MPDZ: variants seen among roughly 807,000 people sequenced by gnomAD.
MPDZ encodes multiple PDZ domain protein.
A neutral mutation model predicts 239.1 loss-of-function variants in MPDZ; 234 were observed. That is an observed-to-expected ratio of 0.98 (90% confidence interval 0.88 to 1.09). The LOEUF (loss-of-function observed/expected upper bound fraction) is 1.09. Ranked by LOEUF, MPDZ falls within the 50% of genes least tolerant of loss-of-function variation. The probability of loss-of-function intolerance (pLI) is 0.00; values close to 1 mark genes in which losing one functional copy is unlikely to be tolerated. For missense variants in MPDZ, 3,175 were observed against 2,510.0 expected (o/e 1.26, Z -5.66); for synonymous variants, 1,048 against 881.3 (o/e 1.19, Z -3.35).
Position 13,114,010 on chromosome 9 carries a change from G to A in MPDZ, c.5478C>T (p.Gly1826=), listed in dbSNP as rs1048947260. ...GTGGAAAAGTGAAAGATGACAGGCT[G>A]CCTTCACTCACCTACAAATATACAA... ...RPSQSSQVSE[G]SLSSFTFPLS... is the part of the protein sequence containing the mutation. Residue 1826 remains glycine (G), a synonymous_variant, in exon 41 of 47, where the codon GGC becomes GGT. Transcript: ENST00000319217. 2.5e-6 allele frequency: 4 copies of A among 1,592,676 alleles called. No individual in the cohort carries two copies. Among genetic ancestry groups the A allele is most frequent in the Non-Finnish European group, 3.4e-6 (4 of 1,168,688 alleles).
intron 36 of MPDZ, 54 bp from the exon 37 acceptor site, chr9:13,122,224 G>A (rs1944456976): frequency 4.7e-6 from 7 of 1,497,516 alleles, no homozygotes; most frequent in Non-Finnish European, 5.6e-6. Flanking sequence ...TAGGAATGGT[G>A]AGCAGAAATG....
intron 22 of MPDZ, among the ~76,000 whole-genome samples, chr9:13,166,048 C>T (rs1951036813): frequency 6.6e-6 from 1 of 152,088 alleles, no homozygotes; most frequent in Admixed American, 6.6e-5. Context: ...TGTAACTCAA[C>T]CACAGTCTCC....
chr9:13,110,101 G>A, intron 44 of MPDZ, 37 bp from the exon 45 acceptor site: 1 of 1,484,720 alleles, frequency 6.7e-7, no homozygotes, highest in Non-Finnish European at 9.3e-7. Context: ...AAAAACACAT[G>A]TTCCTGTGGC....
chr9:13,235,359 A>G (rs1963667618), intron 3 of MPDZ, among the ~76,000 whole-genome samples: 1 of 152,168 alleles, frequency 6.6e-6, no homozygotes, highest in Non-Finnish European at 1.5e-5. Flanking sequence ...TACATTTTCT[A>G]TGAGACCTTC....
chr9:13,224,626 A>C, intron 3 of MPDZ, 43 bp from the exon 4 acceptor site: 1 of 1,309,654 alleles, frequency 7.6e-7, no homozygotes, highest in Non-Finnish European at 1.1e-6. Context: ...GACATTCCAT[A>C]AACTATTTCA....
intron 1 of MPDZ, among the ~76,000 whole-genome samples, chr9:13,267,046 T>A (rs572784494): frequency 6.6e-6 from 1 of 152,212 alleles, no homozygotes; most frequent in Non-Finnish European, 1.5e-5. Context: ...ATCACTGGAA[T>A]GTCTAAAATG....
chr9:13,247,199 G>C (rs141238834), intron 3 of MPDZ, among the ~76,000 whole-genome samples: 103 of 152,250 alleles, frequency 6.8e-4, no homozygotes, highest in African/African-American at 2.3e-3. Context: ...CAAAATAGAG[G>C]TGATTTCCCT....
intron 1 of MPDZ, among the ~76,000 whole-genome samples, chr9:13,262,557 T>G (rs988750909): frequency 6.6e-6 from 1 of 151,992 alleles, no homozygotes; most frequent in Non-Finnish European, 1.5e-5. Context: ...ACGTTAAAAC[T>G]TTAATGTACC....
chr9:13,237,938 TC>T (rs2137149179), intron 3 of MPDZ, among the ~76,000 whole-genome samples: 1 of 152,226 alleles, frequency 6.6e-6, no homozygotes, highest in South Asian at 2.1e-4. Context: ...TAAAAAAAAT[TC>T]AAAGAGCAAG....
intron 40 of MPDZ, 40 bp downstream of exon 40, chr9:13,115,208 T>C (rs1235518360): frequency 3.9e-6 from 6 of 1,554,978 alleles, no homozygotes; most frequent in South Asian, 3.4e-5. Context: ...CCTCTTGGCA[T>C]GCCGATTGCA....
chr9:13,136,346 T>TTTTTTTTTTTTTTTTTTTTTTTC (rs1946779778), intron 30 of MPDZ, among the ~76,000 whole-genome samples, 164 bp from the exon 31 acceptor site: 1 of 142,784 alleles, frequency 7.0e-6, no homozygotes, highest in Non-Finnish European at 1.5e-5. Flanking sequence ...TTTTTTTTTT[T>TTTTTTTTTTTTTTTTTTTTTTTC]TTTGAGACAG....
intron 23 of MPDZ, among the ~76,000 whole-genome samples, chr9:13,158,665 G>A (rs1950113550): frequency 6.6e-6 from 1 of 152,118 alleles, no homozygotes; most frequent in African/African-American, 2.4e-5. Context: ...GAGGAACCTG[G>A]CACAGAATAC....
intron 44 of MPDZ, 29 bp downstream of exon 44, chr9:13,110,607 C>T: frequency 1.3e-6 from 2 of 1,548,328 alleles, no homozygotes; most frequent in Non-Finnish European, 1.8e-6. Context: ...TACCTATATT[C>T]TGAATTATGC....
chr9:13,260,919 C>T (rs1342113726), intron 1 of MPDZ, among the ~76,000 whole-genome samples: 2 of 152,238 alleles, frequency 1.3e-5, no homozygotes, highest in African/African-American at 4.8e-5. Flanking sequence ...TCAACCATTC[C>T]GCAGGCCCTC....
chr9:13,167,855 C>A (rs990240360), intron 22 of MPDZ, among the ~76,000 whole-genome samples: 6 of 152,022 alleles, frequency 3.9e-5, no homozygotes, highest in African/African-American at 1.4e-4. Context: ...ACAAACAGAC[C>A]ATATCAACAT....
In MPDZ at chr9:13,196,704, A is replaced by AAAT. The variant is rs1171949100; in HGVS notation, c.1547-477_1547-475dup. Among the ~76,000 whole-genome samples, 10 of 152,080 alleles carry AAAT rather than the reference A, an allele frequency of 6.6e-5. No individual in the cohort carries two copies. The East Asian group carries it at 1.9e-3, about 29-fold the overall frequency. ...ACTCCATATATGAGAAAATATAAAG[A>AAAT]AATAATAATAAACTAAGGCTACACA... is the stretch of plus-strand genomic sequence containing the variant. On this transcript the variant is annotated intron_variant, in intron 12 of 46. Coordinates refer to ENST00000319217, the MANE Select transcript of MPDZ (RefSeq NM_001378778.1).
At chr9:13,154,982 G>C (rs1344561010) in intron 24 of MPDZ, among the ~76,000 whole-genome samples, 1 of 152,166 alleles carries the variant, frequency 6.6e-6, no homozygotes, top group Non-Finnish European at 1.5e-5. Flanking sequence ...ACTTTGGGAA[G>C]CCAAGGCAGG....
chr9:13,219,533 C>A (rs1460772581), intron 8 of MPDZ, 26 bp downstream of exon 8: 4 of 1,594,880 alleles, frequency 2.5e-6, no homozygotes, highest in Middle Eastern at 1.7e-4. Context: ...CTCTGACTTT[C>A]ACATTAACTA....
At position 13,196,215 on chromosome 9, in the gene MPDZ, G is replaced by T; in HGVS notation, c.1562C>A (p.Ser521Ter). The T allele has an allele frequency of 6.3e-7, 1 of 1,588,748 alleles. No individual in the cohort carries two copies. Among genetic ancestry groups the T allele is most frequent in the Non-Finnish European group, 8.6e-7 (1 of 1,165,516 alleles). The change falls in exon 13 of 47, where the codon TCA becomes TAA. Residue 521 changes from serine to a stop codon, truncating the protein, a stop_gained. Coordinates refer to ENST00000319217, the MANE Select transcript of MPDZ (RefSeq NM_001378778.1). LOFTEE classifies it high-confidence loss of function. ...PTEEEGYPLL[S>*]AEIEEIEDAQ... The stretch of plus-strand genomic sequence containing the variant: ...ATCTTCTATTTCTTCTATCTCAGCT[G>T]ACAGTAATGGATACCCTGAAACAGT...
Sources: gnomAD v4.1 joint callset for allele counts (sites outside exome capture counted in the v4.1 genomes callset) on GRCh38, gnomAD v4.1.1 for gene constraint, MANE v1.5 for transcripts, NCBI Gene and HGNC (gene_info 2026-07-23, HGNC 2026-07-21) for gene names.